PRDM16: variants seen among roughly 807,000 people sequenced by gnomAD.
PRDM16 encodes the protein PR/SET domain 16.
Under a neutral mutation model 110.6 loss-of-function variants are expected in PRDM16, and 23 were observed. The observed-to-expected ratio is 0.21, with a 90% CI of 0.15 to 0.29. The LOEUF is 0.29. PRDM16 is among the 10% of genes least tolerant of loss of function. The pLI, the probability that PRDM16 is intolerant of heterozygous loss-of-function variation, is 1.00. For missense variants in PRDM16, 1,615 were observed against 1,794.3 expected (o/e 0.90, Z 1.81); for synonymous variants, 799 against 781.8 (o/e 1.02, Z -0.37).
chr1:3,118,097 A>G (rs958137091), intron 1 of PRDM16, among the ~76,000 whole-genome samples: 1 of 150,234 alleles, frequency 6.7e-6, no homozygotes, highest in Non-Finnish European at 1.5e-5. Flanking sequence ...GTATGTGTGT[A>G]CATGCATGTG....
chr1:3,418,117 T>C (rs1052809268), intron 11 of PRDM16, 120 bp downstream of exon 11: 2 of 806,800 alleles, frequency 2.5e-6, no homozygotes, highest in Non-Finnish European at 3.9e-6. Context: ...AGCACAGCAC[T>C]GCAATCAGCT....
At chr1:3,125,891 G>C (rs1643194831) in intron 1 of PRDM16, among the ~76,000 whole-genome samples, 1 of 152,218 alleles carries the variant, frequency 6.6e-6, no homozygotes, top group Admixed American at 6.5e-5. Flanking sequence ...GCCCATTGCT[G>C]TCACGGGGCT....
chr1:3,098,935 T>A (rs1399895930), intron 1 of PRDM16, among the ~76,000 whole-genome samples: 1 of 152,210 alleles, frequency 6.6e-6, no homozygotes, highest in Non-Finnish European at 1.5e-5. Flanking sequence ...ATGCTGCTTC[T>A]CAGTGCCCGT....
chr1:3,170,249 G>T (rs1281089284), intron 1 of PRDM16, among the ~76,000 whole-genome samples: 1 of 152,190 alleles, frequency 6.6e-6, no homozygotes, highest in Non-Finnish European at 1.5e-5. Context: ...CCCCAGGAGT[G>T]CCTGCAGGCC....
chr1:3,128,460 C>A (rs1056933606), intron 1 of PRDM16, among the ~76,000 whole-genome samples: 2 of 152,214 alleles, frequency 1.3e-5, no homozygotes, highest in Admixed American at 6.5e-5. Flanking sequence ...AGTAGCAGGG[C>A]ATTGAAAACC....
chr1:3,073,856 C>T (rs1278585238), intron 1 of PRDM16, among the ~76,000 whole-genome samples: 1 of 152,110 alleles, frequency 6.6e-6, no homozygotes, highest in Non-Finnish European at 1.5e-5. Context: ...TCCCCTCCTC[C>T]TGGCCTCCCT....
chr1:3,263,621 G>T (rs1034148878), intron 3 of PRDM16, among the ~76,000 whole-genome samples: 1 of 152,224 alleles, frequency 6.6e-6, no homozygotes, highest in East Asian at 1.9e-4. Flanking sequence ...CCATATGTCC[G>T]GGCCACAGCT....
chr1:3,436,325 C>T lies in PRDM16; in HGVS notation c.*2514C>T, dbSNP rs1352731098. The stretch of plus-strand genomic sequence containing the variant: ...CCGCCCTTACCGTTGGTCTCCGGAT[C>T]CCCCAGTCCCATCCCGCCGTTTTCG... On this transcript the variant is annotated 3_prime_UTR_variant, in exon 17 of 17. Transcript: ENST00000270722. The T allele has an allele frequency of 8.7e-6, 2 of 231,116 alleles. No individual in the cohort carries two copies. The highest frequency in any genetic ancestry group is 1.7e-5 in the Non-Finnish European group (2 of 116,818). The allele number at this position is 231,116 out of a possible 1,614,324, so 14.3% of individuals were successfully genotyped here. A position where few individuals can be genotyped will look rare whatever the true frequency, so the allele number is the denominator to read the frequency against.
intron 6 of PRDM16, 55 bp downstream of exon 6, chr1:3,403,053 TC>T: frequency 1.3e-6 from 1 of 761,244 alleles, no homozygotes; most frequent in Middle Eastern, 5.2e-4. Context: ...CTCTGAGTCT[TC>T]CTCCCCTTCC....
At chr1:3,333,100 A>G (rs760996513) in intron 3 of PRDM16, among the ~76,000 whole-genome samples, 4 of 152,166 alleles carry the variant, frequency 2.6e-5, no homozygotes, top group Non-Finnish European at 4.4e-5. Flanking sequence ...GTCTATATCT[A>G]GGCGTGGGAT....
Position 3,209,424 on chromosome 1 carries a change from C to A in PRDM16, c.387+22950C>A, listed in dbSNP as rs1374620086. Among the ~76,000 whole-genome samples, 1 of 152,222 alleles carries A rather than the reference C, an allele frequency of 6.6e-6. No homozygotes were observed. Among genetic ancestry groups the A allele is most frequent in the African/African-American group, 2.4e-5 (1 of 41,458 alleles). ...GACTGCAGCCAGCCAGCTCTCCCTTCTTCCTGGGGAGGCCTGTGAAGGTCG... is the reference window on the plus strand; with the variant it reads ...GACTGCAGCCAGCCAGCTCTCCCTTATTCCTGGGGAGGCCTGTGAAGGTCG... On this transcript the variant is annotated intron_variant, in intron 2 of 16. Transcript: ENST00000270722. The surrounding 1 kb of genome is among the most constrained non-coding windows in gnomAD (Gnocchi z 4.6).
chr1:3,401,989 G>A (rs1643480598), intron 5 of PRDM16, among the ~76,000 whole-genome samples: 1 of 152,256 alleles, frequency 6.6e-6, no homozygotes, highest in Non-Finnish European at 1.5e-5. Flanking sequence ...GCATAGACAT[G>A]CACACACAGT....
chr1:3,263,074 T>C (rs1279508723), intron 3 of PRDM16, among the ~76,000 whole-genome samples: 1 of 152,118 alleles, frequency 6.6e-6, no homozygotes, highest in Non-Finnish European at 1.5e-5. Flanking sequence ...TGGTTGGTGA[T>C]GGCTCAGTGT....
rs930137589 is a variant in PRDM16 at position 3,390,204 on chromosome 1, T to C, written c.573+4918T>C. On this transcript the variant is annotated intron_variant, in intron 4 of 16. Coordinates refer to ENST00000270722, the MANE Select transcript of PRDM16 (RefSeq NM_022114.4). This position sits in a 1 kb window ranked among gnomAD's most constrained non-coding sequence, Gnocchi z 5.0. Reference sequence around the variant, plus strand: ...GCTGTCACAGCCGGCGCTTTCTGTTTTTTGGTTTATCTTTTTCTCATGTTG... The same window carrying C: ...GCTGTCACAGCCGGCGCTTTCTGTTCTTTGGTTTATCTTTTTCTCATGTTG... Among the ~76,000 whole-genome samples, 4 of 152,118 alleles carry C rather than the reference T, an allele frequency of 2.6e-5. No individual in the cohort carries two copies. The highest frequency in any genetic ancestry group is 9.7e-5 in the African/African-American group (4 of 41,434).
intron 1 of PRDM16, among the ~76,000 whole-genome samples, chr1:3,114,267 T>TGC (rs1642881362): frequency 6.8e-5 from 8 of 117,486 alleles, no homozygotes; most frequent in Non-Finnish European, 1.4e-4. Context: ...CGCGCACACG[T>TGC]ACACACACGC....
chr1:3,235,675 C>G (rs1009467324), intron 2 of PRDM16, among the ~76,000 whole-genome samples: 1 of 152,208 alleles, frequency 6.6e-6, no homozygotes, highest in Non-Finnish European at 1.5e-5. Context: ...CCAGGAACAA[C>G]AGGCCTTCCC....
intron 3 of PRDM16, among the ~76,000 whole-genome samples, chr1:3,323,007 T>C (rs1428747073): frequency 6.6e-6 from 1 of 152,214 alleles, no homozygotes; most frequent in East Asian, 1.9e-4. Flanking sequence ...CCTTTGGTCC[T>C]GGGCAGCCAC....
intron 1 of PRDM16, among the ~76,000 whole-genome samples, chr1:3,123,734 C>T (rs1480091347): frequency 3.3e-5 from 5 of 152,224 alleles, no homozygotes; most frequent in Non-Finnish European, 4.4e-5. Flanking sequence ...ATTTGCCTCC[C>T]GGTGGCCCGA....
intron 3 of PRDM16, among the ~76,000 whole-genome samples, chr1:3,266,661 T>C (rs1003098654): frequency 2.6e-5 from 4 of 152,138 alleles, no homozygotes; most frequent in African/African-American, 9.7e-5. Flanking sequence ...CGGTGGGGCA[T>C]GCATTTTATT....
Sources: allele counts gnomAD v4.1 joint callset (sites outside exome capture counted in the v4.1 genomes callset), GRCh38; gene constraint gnomAD v4.1.1; non-coding constraint Gnocchi (gnomAD v3.1); transcripts MANE v1.5; gene names NCBI Gene and HGNC (gene_info 2026-07-23, HGNC 2026-07-21).